The following FBXL20 variants were observed in gnomAD, a reference collection of about 807,000 sequenced individuals.
FBXL20 encodes the protein F-box and leucine rich repeat protein 20, also known as F-box/LRR-repeat protein 20.
FBXL20 carries 11 observed loss-of-function variants against 64.0 expected under a neutral mutation model. The ratio of observed to expected loss-of-function variants is 0.17; its 90% CI spans 0.11 to 0.28. The LOEUF (loss-of-function observed/expected upper bound fraction) is 0.28. FBXL20 is among the 10% of genes least tolerant of loss of function. The pLI, the probability that FBXL20 is intolerant of heterozygous loss-of-function variation, is 1.00. For synonymous variants in FBXL20, 184 were observed against 189.0 expected (o/e 0.97, Z 0.22); for missense variants, 303 against 526.2 (o/e 0.58, Z 4.15).
intron 1 of FBXL20, among the ~76,000 whole-genome samples, chr17:39,396,356 G>C (rs928447331): frequency 3.3e-5 from 5 of 152,086 alleles, no homozygotes; most frequent in Admixed American, 2.0e-4. Context: ...AGCACTTCGG[G>C]AGGCTGAGAT....
At chr17:39,372,476 G>A (rs1456138308) in intron 1 of FBXL20, among the ~76,000 whole-genome samples, 26 of 116,204 alleles carry the variant, frequency 2.2e-4, no homozygotes, top group Middle Eastern at 9.8e-3. Context: ...CCGAGATTGC[G>A]CCACTGCACT....
chr17:39,268,100 C>T (rs1346086824), intron 12 of FBXL20, among the ~76,000 whole-genome samples: 1 of 152,004 alleles, frequency 6.6e-6, no homozygotes, highest in Non-Finnish European at 1.5e-5. Context: ...GTCTGTAATC[C>T]CAGCACTTTG....
At chr17:39,387,056 A>G (rs769860315) in intron 1 of FBXL20, among the ~76,000 whole-genome samples, 42 of 152,332 alleles carry the variant, frequency 2.8e-4, no homozygotes, top group Admixed American at 1.4e-3. Flanking sequence ...ACAATGGTGT[A>G]CACGTAATAT....
At chr17:39,265,564 G>C in intron 12 of FBXL20, 111 bp from the exon 13 acceptor site, 1 of 724,818 alleles carries the variant, frequency 1.4e-6, no homozygotes, top group Non-Finnish European at 2.2e-6. Context: ...AGAGTGTAGT[G>C]GTGCAACTAT....
Position 39,390,904 on chromosome 17 carries a change from G to A in FBXL20, c.42+10457C>T, listed in dbSNP as rs189392148. On this transcript the variant is annotated intron_variant, in intron 1 of 14. Coordinates refer to ENST00000264658, the MANE Select transcript of FBXL20 (RefSeq NM_032875.3). Reference sequence around the variant, plus strand: ...TCTACTAAAAATACAAAAATTACCCGGGCATGGTGGCAGGCGCCTGTAATC... The same window carrying A: ...TCTACTAAAAATACAAAAATTACCCAGGCATGGTGGCAGGCGCCTGTAATC... Among the ~76,000 whole-genome samples the A allele has an allele frequency of 1.4e-3, 219 of 151,890 alleles. 1 individual carries two copies. Among genetic ancestry groups the A allele is most frequent in the Non-Finnish European group, 2.6e-3 (177 of 67,962 alleles).
At chr17:39,346,808 C>T (rs2047637602) in intron 1 of FBXL20, among the ~76,000 whole-genome samples, 1 of 151,898 alleles carries the variant, frequency 6.6e-6, no homozygotes, top group African/African-American at 2.4e-5. Context: ...TCGTCATTTA[C>T]ATTAGGTATA....
At chr17:39,384,254 G>A (rs554093167) in intron 1 of FBXL20, among the ~76,000 whole-genome samples, 46 of 152,150 alleles carry the variant, frequency 3.0e-4, no homozygotes, top group African/African-American at 1.1e-3. Context: ...TAGGCCAGGC[G>A]CAGTGGCTCA....
chr17:39,384,815 G>A (rs1272601575), intron 1 of FBXL20, among the ~76,000 whole-genome samples: 1 of 151,802 alleles, frequency 6.6e-6, no homozygotes, highest in Non-Finnish European at 1.5e-5. Flanking sequence ...GAAATTAGCT[G>A]GGCGTGGTGG....
chr17:39,337,818 G>A (rs2047541740), intron 2 of FBXL20, among the ~76,000 whole-genome samples: 1 of 147,538 alleles, frequency 6.8e-6, no homozygotes, highest in South Asian at 2.1e-4. Context: ...CCAGGAGGGA[G>A]GTGGGGGGTC....
intron 2 of FBXL20, among the ~76,000 whole-genome samples, chr17:39,333,177 G>A (rs910991901): frequency 1.3e-5 from 2 of 151,756 alleles, no homozygotes; most frequent in East Asian, 1.9e-4. Context: ...CTCTTTGCAC[G>A]GTCTCCCTCT....
chr17:39,399,485 C>T (rs1017820075), intron 1 of FBXL20, among the ~76,000 whole-genome samples: 2 of 152,212 alleles, frequency 1.3e-5, no homozygotes, highest in Non-Finnish European at 2.9e-5. Context: ...CAATGAACTT[C>T]ATTAACACAT....
intron 2 of FBXL20, among the ~76,000 whole-genome samples, chr17:39,326,414 G>A (rs1047791963): frequency 4.6e-5 from 7 of 151,776 alleles, no homozygotes; most frequent in South Asian, 2.1e-4. Flanking sequence ...AATCCCAGGC[G>A]TTCCAAGCCA....
intron 5 of FBXL20, chr17:39,297,446 C>A: frequency 4.0e-6 from 1 of 250,752 alleles, no homozygotes; most frequent in African/African-American, 2.2e-5. Flanking sequence ...TTTGCCATTA[C>A]TGCTCATGGC....
At chr17:39,305,968 C>T (rs1395522276) in intron 2 of FBXL20, among the ~76,000 whole-genome samples, 3 of 150,462 alleles carry the variant, frequency 2.0e-5, no homozygotes, top group Admixed American at 6.6e-5. Context: ...GCCTGGGAGA[C>T]AAGAGTGAGA....
At chr17:39,317,690 T>G (rs569478896) in intron 2 of FBXL20, among the ~76,000 whole-genome samples, 54 of 55,294 alleles carry the variant, frequency 9.8e-4, no homozygotes, top group Middle Eastern at 7.4e-3. Flanking sequence ...TTTTTTTTTG[T>G]TTTTTTTTTT....
chr17:39,381,694 G>A (rs1369244630), intron 1 of FBXL20, among the ~76,000 whole-genome samples: 1 of 151,832 alleles, frequency 6.6e-6, no homozygotes, highest in African/African-American at 2.4e-5. Context: ...AGGGGGCTGA[G>A]GTGGGAAGAT....
chr17:39,391,644 C>T (rs8077259), intron 1 of FBXL20, among the ~76,000 whole-genome samples: 7,897 of 152,178 alleles, frequency 0.052, 666 homozygotes, highest in African/African-American at 0.18. Context: ...CACCTTAAAG[C>T]TGTCATTGTC....
chr17:39,312,739 A>AT (rs1351191107), intron 2 of FBXL20, among the ~76,000 whole-genome samples: 1,130 of 106,790 alleles, frequency 0.011, 15 homozygotes, highest in African/African-American at 0.063. Flanking sequence ...ACGCCTGGCT[A>AT]ATTTTTTTTT....
chr17:39,327,041 C>T (rs1182251468), intron 2 of FBXL20, among the ~76,000 whole-genome samples: 1 of 152,092 alleles, frequency 6.6e-6, no homozygotes, highest in East Asian at 1.9e-4. Context: ...CCACCACACT[C>T]GTCTCCACTA....
Sources: allele counts gnomAD v4.1 joint callset (sites outside exome capture counted in the v4.1 genomes callset), GRCh38; gene constraint gnomAD v4.1.1; transcripts MANE v1.5; gene names NCBI Gene and HGNC (gene_info 2026-07-23, HGNC 2026-07-21).